The following KCNIP4 variants were observed in gnomAD, a reference collection of about 807,000 sequenced individuals.
The protein encoded by KCNIP4 is Kv channel-interacting protein 4.
Under a neutral mutation model 34.0 loss-of-function variants are expected in KCNIP4, and 12 were observed. The observed-to-expected ratio is 0.35, with a 90% confidence interval of 0.23 to 0.57. The LOEUF (loss-of-function observed/expected upper bound fraction) is 0.57, where lower values mean the gene tolerates loss of function less well. Among genes scored for constraint, KCNIP4 ranks in the 20% least tolerant of loss-of-function variants. The pLI is 0.83. For synonymous variants in KCNIP4, 124 were observed against 102.2 expected (o/e 1.21, Z -1.29); for missense variants, 238 against 311.7 (o/e 0.76, Z 1.78).
intron 1 of KCNIP4, among the ~76,000 whole-genome samples, chr4:21,819,574 G>A (rs1722203421): frequency 6.6e-6 from 1 of 152,006 alleles, no homozygotes; most frequent in Non-Finnish European, 1.5e-5. Flanking sequence ...ATGTTGCAGT[G>A]GCTAGATACT....
At chr4:21,088,789 C>T (rs1382876215) in intron 1 of KCNIP4, among the ~76,000 whole-genome samples, 1 of 152,092 alleles carries the variant, frequency 6.6e-6, no homozygotes, top group African/African-American at 2.4e-5. Flanking sequence ...TTTCCCCCCG[C>T]CCATATCAAA....
At chr4:21,834,383 GCTCT>G (rs1348064177) in intron 1 of KCNIP4, among the ~76,000 whole-genome samples, 7 of 152,010 alleles carry the variant, frequency 4.6e-5, no homozygotes, top group Admixed American at 3.3e-4. Flanking sequence ...TCATGATTTG[GCTCT>G]CTGTTTGTCT....
chr4:21,030,819 G>A (rs532966978), intron 1 of KCNIP4, among the ~76,000 whole-genome samples: 12 of 152,196 alleles, frequency 7.9e-5, no homozygotes, highest in South Asian at 2.1e-4. Context: ...TTTGTGTAGC[G>A]GAACGAGGAT....
chr4:21,183,832 G>C (rs1172495914), intron 1 of KCNIP4, among the ~76,000 whole-genome samples: 1 of 151,880 alleles, frequency 6.6e-6, no homozygotes, highest in Non-Finnish European at 1.5e-5. Flanking sequence ...TTACAATATG[G>C]ATTCTCTCTT....
chr4:21,348,108 C>A (rs1717638711), intron 1 of KCNIP4, among the ~76,000 whole-genome samples: 1 of 152,108 alleles, frequency 6.6e-6, no homozygotes, highest in Non-Finnish European at 1.5e-5. Context: ...TGGAAAGGGG[C>A]AGTTATTCAT....
chr4:21,568,824 A>G (rs1227902596), intron 1 of KCNIP4, among the ~76,000 whole-genome samples: 1 of 152,020 alleles, frequency 6.6e-6, no homozygotes, highest in Non-Finnish European at 1.5e-5. Context: ...TCACCTTGTG[A>G]CTGTGTGAGT....
chr4:20,993,285 G>T (rs550135186), intron 1 of KCNIP4, among the ~76,000 whole-genome samples: 1 of 152,228 alleles, frequency 6.6e-6, no homozygotes, highest in South Asian at 2.1e-4. Context: ...CTATAGAAGA[G>T]ATTTCTTATA....
At chr4:20,987,966 A>G (rs899325363) in intron 1 of KCNIP4, among the ~76,000 whole-genome samples, 2 of 137,096 alleles carry the variant, frequency 1.5e-5, no homozygotes, top group Admixed American at 1.6e-4. Flanking sequence ...GCACCACTGC[A>G]CTCCAGCCTG....
chr4:21,187,989 T>C (rs1755365456), intron 1 of KCNIP4, among the ~76,000 whole-genome samples: 1 of 152,190 alleles, frequency 6.6e-6, no homozygotes, highest in Non-Finnish European at 1.5e-5. Flanking sequence ...CTATCAATAA[T>C]GACAATTGCT....
At chr4:21,206,093 C>T (rs796943294) in intron 1 of KCNIP4, among the ~76,000 whole-genome samples, 9 of 152,288 alleles carry the variant, frequency 5.9e-5, no homozygotes, top group African/African-American at 2.2e-4. Flanking sequence ...TTCATTTGCC[C>T]TTTTCCATTG....
chr4:21,723,774 C>A (rs1714996085), intron 1 of KCNIP4, among the ~76,000 whole-genome samples: 1 of 152,066 alleles, frequency 6.6e-6, no homozygotes, highest in African/African-American at 2.4e-5. Context: ...TAATAAATTT[C>A]TCAGGGATTA....
At chr4:21,855,496 A>T (rs1008033580) in intron 1 of KCNIP4, among the ~76,000 whole-genome samples, 3 of 152,216 alleles carry the variant, frequency 2.0e-5, no homozygotes, top group Admixed American at 1.3e-4. Context: ...CTGTGTGTGC[A>T]GGAGTGGTGT....
At chr4:20,931,618 T>G (rs1452177991) in intron 1 of KCNIP4, among the ~76,000 whole-genome samples, 1 of 152,142 alleles carries the variant, frequency 6.6e-6, no homozygotes, top group Non-Finnish European at 1.5e-5. Flanking sequence ...AAAAATGTGG[T>G]ATTATAATCT....
intron 1 of KCNIP4, among the ~76,000 whole-genome samples, chr4:21,308,017 G>T (rs917831537): frequency 6.6e-6 from 1 of 152,184 alleles, no homozygotes; most frequent in Non-Finnish European, 1.5e-5. Flanking sequence ...TCAGCTAAAA[G>T]AACACTGCAG....
chr4:21,005,728 T>C (rs1738493840), intron 1 of KCNIP4, among the ~76,000 whole-genome samples: 1 of 152,100 alleles, frequency 6.6e-6, no homozygotes, highest in South Asian at 2.1e-4. Context: ...AGAGGCCTCA[T>C]ATCCGGAATG....
intron 1 of KCNIP4, among the ~76,000 whole-genome samples, chr4:21,388,091 A>AGAAAGATTTCAGGTGTGCT (rs11268355): frequency 0.59 from 87,043 of 148,578 alleles, 26,235 homozygotes; most frequent in East Asian, 0.8. Context: ...TAGGCTCCTG[A>AGAAAGATTTCAGGTGTGCT]GAAAGATTTC....
At chr4:21,402,599 T>C (rs1458323130) in intron 1 of KCNIP4, among the ~76,000 whole-genome samples, 1 of 152,228 alleles carries the variant, frequency 6.6e-6, no homozygotes, top group Non-Finnish European at 1.5e-5. Context: ...TGCCCTTTAC[T>C]GCTGTATTCT....
intron 1 of KCNIP4, among the ~76,000 whole-genome samples, chr4:21,510,836 A>C (rs1734251644): frequency 6.6e-6 from 1 of 151,628 alleles, no homozygotes; most frequent in African/African-American, 2.4e-5. Flanking sequence ...GGCCAACATG[A>C]TGAAACCCCA....
intron 1 of KCNIP4, among the ~76,000 whole-genome samples, chr4:20,886,421 C>T (rs112315467): frequency 4.6e-5 from 7 of 152,144 alleles, no homozygotes; most frequent in South Asian, 2.1e-4. Flanking sequence ...TTGATGTATG[C>T]GTGTGTATTC....
Sources: allele counts gnomAD v4.1 joint callset (sites outside exome capture counted in the v4.1 genomes callset), GRCh38; gene constraint gnomAD v4.1.1; transcripts MANE v1.5; gene names NCBI Gene and HGNC (gene_info 2026-07-23, HGNC 2026-07-21).